The following SV2A variants were observed in gnomAD, a reference collection of about 807,000 sequenced individuals.
SV2A encodes the protein solute carrier family 22 member B1.
In SV2A, 25 loss-of-function variants were observed where a neutral mutation model predicts 78.0. The observed-to-expected ratio is 0.32, with a 90% CI of 0.23 to 0.45. The LOEUF is 0.45. SV2A is among the 20% of genes least tolerant of loss of function. SV2A has a pLI of 1.00. For synonymous variants in SV2A, 355 were observed against 384.7 expected (o/e 0.92, Z 0.90); for missense variants, 752 against 971.5 (o/e 0.77, Z 3.00).
Position 149,910,432 on chromosome 1 carries a change from G to A in SV2A, c.1089+138C>T, listed in dbSNP as rs2092468196. ...AATGCAAGATAAAGTCCCCTGGAGA[G>A]TGGACTCTGTGAGGAAGGCAGGCAG... On this transcript the variant is annotated intron_variant, in intron 5 of 12. Transcript: ENST00000369146. This position sits in a 1 kb window ranked among gnomAD's most constrained non-coding sequence, Gnocchi z 4.2. 2.4e-6 allele frequency: 3 copies of A among 1,260,616 alleles called. No individual in the cohort carries two copies. Among genetic ancestry groups the A allele is most frequent in the South Asian group, 3.2e-5 (2 of 63,154 alleles). 78.1% of individuals were successfully genotyped at this position (1,260,616 alleles called of 1,614,324 possible). A position where few individuals can be genotyped will look rare whatever the true frequency, so the allele number is the denominator to read the frequency against.
At chr1:149,916,051 T>A (rs1334187955) in intron 1 of SV2A, among the ~76,000 whole-genome samples, 1 of 152,124 alleles carries the variant, frequency 6.6e-6, no homozygotes, top group Non-Finnish European at 1.5e-5. Context: ...GTGACCCCTA[T>A]GTCACCTTTT....
chr1:149,910,454 GCAGT>G lies in SV2A; in HGVS notation c.1089+112_1089+115del. 1 of 1,369,964 alleles carries G rather than the reference GCAGT, an allele frequency of 7.3e-7. No homozygotes were observed. The highest frequency in any genetic ancestry group is 1.5e-5 in the South Asian group (1 of 65,488). The allele number at this position is 1,369,964 out of a possible 1,614,324, so 84.9% of individuals were successfully genotyped here. The stretch of plus-strand genomic sequence containing the variant: ...AGAGTGGACTCTGTGAGGAAGGCAG[GCAGT>G]CAAACAGGATCAAATCAAACTCCAG... On this transcript the variant is annotated intron_variant, in intron 5 of 12. Coordinates refer to ENST00000369146, the MANE Select transcript of SV2A (RefSeq NM_014849.5). This position sits in a 1 kb window ranked among gnomAD's most constrained non-coding sequence, Gnocchi z 4.2.
chr1:149,906,474 C>A (rs2092438892), intron 11 of SV2A, among the ~76,000 whole-genome samples, 176 bp downstream of exon 11: 1 of 152,114 alleles, frequency 6.6e-6, no homozygotes, highest in Non-Finnish European at 1.5e-5. Context: ...CTCCTTTACC[C>A]CCAGAGAAGC....
Position 149,909,854 on chromosome 1 carries a change from G to C in SV2A, c.1126C>G (p.Gln376Glu). 1 of 1,614,054 alleles carries C rather than the reference G, an allele frequency of 6.2e-7. No homozygotes were observed. Among genetic ancestry groups the C allele is most frequent in the Non-Finnish European group, 8.5e-7 (1 of 1,180,016 alleles). The change falls in exon 6 of 13, where the codon CAG becomes GAG. Residue 376 changes from glutamine (Q) to glutamate (E), a missense_variant. Coordinates refer to ENST00000369146, the MANE Select transcript of SV2A (RefSeq NM_014849.5). ...KHDEAWMVLK[Q>E]VHDTNMRAKG... ...GCTCGCATGTTGGTATCATGGACCTGCTTCAGCACCATCCAGGCCTCATCA... is the reference window on the plus strand; with the variant it reads ...GCTCGCATGTTGGTATCATGGACCTCCTTCAGCACCATCCAGGCCTCATCA...
chr1:149,906,956 G>A (rs907341394), intron 10 of SV2A, 100 bp from the exon 11 acceptor site: 10 of 1,532,686 alleles, frequency 6.5e-6, no homozygotes, highest in African/African-American at 1.4e-5. Flanking sequence ...AAAGTTAGTA[G>A]GAGGGGCTCT....
At position 149,910,479 on chromosome 1, in the gene SV2A, T is replaced by C. The variant is rs1571503379; in HGVS notation, c.1089+91A>G. ...GCAGTCAAACAGGATCAAATCAAAC[T>C]CCAGTTGGTGTTTGAACACAGAAGC... is the stretch of plus-strand genomic sequence containing the variant. On this transcript the variant is annotated intron_variant, in intron 5 of 12. Coordinates refer to ENST00000369146, the MANE Select transcript of SV2A (RefSeq NM_014849.5). The surrounding 1 kb of genome is among the most constrained non-coding windows in gnomAD (Gnocchi z 4.2). 1.4e-6 allele frequency: 2 copies of C among 1,436,202 alleles called. No homozygotes were observed. Among genetic ancestry groups the C allele is most frequent in the East Asian group, 2.5e-5 (1 of 40,188 alleles). 89.0% of individuals were successfully genotyped at this position (1,436,202 alleles called of 1,614,324 possible). A position where few individuals can be genotyped will look rare whatever the true frequency, so the allele number is the denominator to read the frequency against.
rs1481951290 is a variant in SV2A at position 149,904,708 on chromosome 1, G to T, written c.*306C>A. 1 of 295,724 alleles carries T rather than the reference G, an allele frequency of 3.4e-6. No homozygotes were observed. Among genetic ancestry groups the T allele is most frequent in the Non-Finnish European group, 6.3e-6 (1 of 158,098 alleles). The allele number at this position is 295,724 out of a possible 1,614,324, so 18.3% of individuals were successfully genotyped here. On this transcript the variant is annotated 3_prime_UTR_variant, in exon 13 of 13. Coordinates refer to ENST00000369146, the MANE Select transcript of SV2A (RefSeq NM_014849.5). ...GCCTATTCTGGAACCCCTGGAACAG[G>T]GAAGCAAGGGCCCCTCTCTAACAGG...
chr1:149,917,247 C>T (rs2092520779), intron 1 of SV2A, among the ~76,000 whole-genome samples: 1 of 151,872 alleles, frequency 6.6e-6, no homozygotes, highest in Non-Finnish European at 1.5e-5. Context: ...TTCTTCACTC[C>T]CCTTCCCTCC....
chr1:149,913,419 C>A lies in SV2A; in HGVS notation c.422G>T (p.Arg141Leu), dbSNP rs781803555. The A allele has an allele frequency of 8.7e-6, 14 of 1,613,992 alleles. No homozygotes were observed. In the South Asian group the frequency reaches 1.5e-4, roughly 18 times the overall value. The change falls in exon 2 of 13, where the codon CGA becomes CTA. Residue 141 changes from arginine to leucine, a missense_variant. Arg to Leu is a moderately radical substitution (Grantham distance 102). This residue lies in a region of SV2A where 291 missense variants were observed against 359.5 expected (regional missense o/e 0.81). Coordinates refer to ENST00000369146, the MANE Select transcript of SV2A (RefSeq NM_014849.5). The stretch of plus-strand genomic sequence containing the variant: ...GGCCAGTTCTTCTCGTTCTTTCCGT[C>A]GTTGTGCCTCCCCCCGGCCCCCAGG... ...GPPGGRGEAQ[R>L]RKEREELAQQ...
In SV2A at chr1:149,913,605, G is replaced by A; in HGVS notation, c.236C>T (p.Ala79Val). Residue 79 changes from alanine to valine, a missense_variant, in exon 2 of 13, where the codon GCA (alanine) becomes GTA (valine). This residue lies in a region of SV2A where 291 missense variants were observed against 359.5 expected (regional missense o/e 0.81). Coordinates refer to ENST00000369146, the MANE Select transcript of SV2A (RefSeq NM_014849.5). Reference protein sequence around the residue: ...EGTQDEEEGGASSDATEGHDE... With the variant: ...EGTQDEEEGGVSSDATEGHDE... The stretch of plus-strand genomic sequence containing the variant: ...ATGGCCCTCAGTAGCATCACTGGAT[G>A]CACCACCTTCCTCCTCATCCTGGGT... 6.2e-7 allele frequency: 1 copy of A among 1,614,136 alleles called. No homozygotes were observed. Among genetic ancestry groups the A allele is most frequent in the Non-Finnish European group, 8.5e-7 (1 of 1,180,030 alleles).
At chr1:149,909,733 A>C in intron 6 of SV2A, 68 bp downstream of exon 6, 1 of 1,562,282 alleles carries the variant, frequency 6.4e-7, no homozygotes, top group South Asian at 1.1e-5. Flanking sequence ...GGGGGTACTC[A>C]GAGAGGGGCC....
Position 149,910,815 on chromosome 1 carries a change from G to A in SV2A, c.955+11C>T, listed in dbSNP as rs2092470982. ...GAGATAACCTGGGGTGGATTTCCGG[G>A]GGCTGCTCACCATAGTGGGGGATGA... On this transcript the variant is annotated intron_variant, in intron 4 of 12. Transcript: ENST00000369146. The surrounding 1 kb of genome is among the most constrained non-coding windows in gnomAD (Gnocchi z 4.2). The A allele has an allele frequency of 6.2e-7, 1 of 1,613,292 alleles. No homozygotes were observed. Among genetic ancestry groups the A allele is most frequent in the East Asian group, 2.2e-5 (1 of 44,858 alleles).
chr1:149,913,567 C>T lies in SV2A; in HGVS notation c.274G>A (p.Glu92Lys). ...CCCTGATATTCCCCTTCATAGATCT[C>T]ATCATCCTCGTCATGGCCCTCAGTA... ...DATEGHDEDD[E>K]IYEGEYQGIP... Residue 92 changes from glutamate (E) to lysine (K), a missense_variant, in exon 2 of 13, where the codon GAG (glutamate) becomes AAG (lysine). By Grantham distance (56) the Glu-to-Lys change is moderately conservative. Transcript: ENST00000369146. 3 of 1,614,066 alleles carry T rather than the reference C, an allele frequency of 1.9e-6. No homozygotes were observed. Among genetic ancestry groups the T allele is most frequent in the Non-Finnish European group, 2.5e-6 (3 of 1,180,018 alleles).
rs1390227490 is a variant in SV2A at position 149,903,878 on chromosome 1, CCTCA to C, written c.*1132_*1135del. 1 of 152,654 alleles carries C rather than the reference CCTCA, an allele frequency of 6.6e-6. No homozygotes were observed. Among genetic ancestry groups the C allele is most frequent in the Admixed American group, 6.5e-5 (1 of 15,270 alleles). The allele number at this position is 152,654 out of a possible 1,614,324, so 9.5% of individuals were successfully genotyped here. On this transcript the variant is annotated 3_prime_UTR_variant, in exon 13 of 13. Transcript: ENST00000369146. ...GCTTCTAGTCCCTGCATTAGGGGTC[CCTCA>C]CTCACTGCCCAACCTCTCCCCACTC...
chr1:149,911,942 G>A lies in SV2A; in HGVS notation c.661C>T (p.Leu221Phe), dbSNP rs1222575049. The A allele has an allele frequency of 3.7e-6, 6 of 1,614,006 alleles. No individual in the cohort carries two copies. The highest frequency in any genetic ancestry group is 5.1e-6 in the Non-Finnish European group (6 of 1,180,012). Residue 221 changes from leucine (L) to phenylalanine (F), a missense_variant, in exon 3 of 13, where the codon CTC (leucine) becomes TTC (phenylalanine). Leu to Phe is a conservative substitution (Grantham distance 22). Coordinates refer to ENST00000369146, the MANE Select transcript of SV2A (RefSeq NM_014849.5). Reference protein sequence around the residue: ...VYLGMMVGAFLWGGLADRLGR... With the variant: ...VYLGMMVGAFFWGGLADRLGR... ...AGCCGGTCAGCCAGACCTCCCCAGA[G>A]GAAGGCTCCCACCATCATGCCCAGG... is the stretch of plus-strand genomic sequence containing the variant.
Position 149,913,726 on chromosome 1 carries a change from C to T in SV2A, c.115G>A (p.Asp39Asn). ...KVVKGLDRVQ[D>N]EYSRRSYSRF... Reference sequence around the variant, plus strand: ...GAGTACGATCTTCGGGAATATTCGTCCTGGACTCTGTCCAGGCCCTTCACC... The same window carrying T: ...GAGTACGATCTTCGGGAATATTCGTTCTGGACTCTGTCCAGGCCCTTCACC... The change falls in exon 2 of 13, where the codon GAC becomes AAC. Residue 39 changes from aspartate to asparagine, a missense_variant. Physicochemically the swap from Asp to Asn is conservative, Grantham distance 23. Transcript: ENST00000369146. 6.2e-7 allele frequency: 1 copy of T among 1,614,098 alleles called. No homozygotes were observed. The highest frequency in any genetic ancestry group is 1.1e-5 in the South Asian group (1 of 91,066).
intron 5 of SV2A, 81 bp from the exon 6 acceptor site, chr1:149,909,971 C>T: frequency 7.5e-7 from 1 of 1,340,702 alleles, no homozygotes; most frequent in Non-Finnish European, 1.1e-6. Flanking sequence ...TCCCACCTGG[C>T]TTCTGTAGTC....
intron 8 of SV2A, 112 bp downstream of exon 8, chr1:149,909,080 C>T: frequency 9.7e-7 from 1 of 1,032,870 alleles, no homozygotes; most frequent in African/African-American, 1.6e-5. Context: ...AGGGGGTCTG[C>T]ATGGCACCTT....
At chr1:149,916,866 G>A (rs1258742035) in intron 1 of SV2A, among the ~76,000 whole-genome samples, 1 of 152,104 alleles carries the variant, frequency 6.6e-6, no homozygotes, top group African/African-American at 2.4e-5. Flanking sequence ...TAGGAAGATA[G>A]GAGCACCCAC....
Sources: allele counts gnomAD v4.1 joint callset (sites outside exome capture counted in the v4.1 genomes callset), GRCh38; gene constraint gnomAD v4.1.1; regional missense constraint gnomAD v4.1.1; non-coding constraint Gnocchi (gnomAD v3.1); transcripts MANE v1.5; gene names NCBI Gene and HGNC (gene_info 2026-07-23, HGNC 2026-07-21).